Variants in FMN1 observed in about 807,000 individuals in gnomAD.
FMN1 encodes formin-1.
In FMN1, 110 loss-of-function variants were observed where a neutral mutation model predicts 132.4. That is an observed-to-expected ratio of 0.83 (90% CI 0.71 to 0.97). The LOEUF (loss-of-function observed/expected upper bound fraction) is 0.97. Ranked by LOEUF, FMN1 falls within the 50% of genes least tolerant of loss-of-function variation. FMN1 has a pLI of 0.00. For synonymous variants in FMN1, 722 were observed against 651.7 expected, an observed-to-expected ratio of 1.11 and a Z score of -1.64; for missense variants, 1,792 against 1,705.3, an observed-to-expected ratio of 1.05 and a Z score of -0.90.
Position 33,101,815 on chromosome 15 carries a change from AG to A in FMN1, c.1868-12842del, listed in dbSNP as rs534142304. ...TAGAACCCAAATTCTTTGGTTGGAT[AG>A]GGAGACCATTTATGCTTGGCTTTCA... On this transcript the variant is annotated intron_variant, in intron 4 of 20. Transcript: ENST00000616417. 3.8e-3 allele frequency among the ~76,000 whole-genome samples: 576 copies of A among 152,274 alleles called. 2 individuals are homozygous for A. Among genetic ancestry groups the A allele is most frequent in the Non-Finnish European group, 5.8e-3 (396 of 68,006 alleles).
At chr15:33,099,654 A>G (rs1307012292) in intron 4 of FMN1, among the ~76,000 whole-genome samples, 2 of 152,250 alleles carry the variant, frequency 1.3e-5, no homozygotes, top group Non-Finnish European at 2.9e-5. Flanking sequence ...CAATAAATGC[A>G]TATTAGATTT....
chr15:32,916,161 T>C (rs2060678861), intron 10 of FMN1, among the ~76,000 whole-genome samples: 1 of 152,198 alleles, frequency 6.6e-6, no homozygotes, highest in African/African-American at 2.4e-5. Flanking sequence ...ATAAAAACTA[T>C]GTGCCTGCTT....
chr15:33,038,358 G>A (rs2036278348), intron 6 of FMN1, among the ~76,000 whole-genome samples: 2 of 152,212 alleles, frequency 1.3e-5, no homozygotes, highest in African/African-American at 4.8e-5. Flanking sequence ...CTAATTTGGA[G>A]TTAACATTCA....
intron 19 of FMN1, among the ~76,000 whole-genome samples, chr15:32,787,858 A>AT (rs372120927): frequency 6.6e-6 from 1 of 152,142 alleles, no homozygotes; most frequent in Non-Finnish European, 1.5e-5. Context: ...AAAAAAAAAA[A>AT]GTTATTCCAT....
At chr15:32,806,041 C>G (rs76886283) in intron 17 of FMN1, among the ~76,000 whole-genome samples, 10,882 of 152,178 alleles carry the variant, frequency 0.072, 959 homozygotes, top group East Asian at 0.46. Context: ...GAAAATACCA[C>G]TCTCACACTT....
intron 6 of FMN1, among the ~76,000 whole-genome samples, chr15:33,062,258 A>T (rs2037518580): frequency 1.3e-5 from 2 of 152,220 alleles, no homozygotes; most frequent in South Asian, 4.1e-4. Flanking sequence ...ACAAAGACTT[A>T]CAGTAGTTAT....
At chr15:32,954,815 G>A (rs1262299736) in intron 9 of FMN1, among the ~76,000 whole-genome samples, 2 of 152,274 alleles carry the variant, frequency 1.3e-5, no homozygotes, top group East Asian at 3.9e-4. Context: ...AGACTAGCCT[G>A]GCCAACATGG....
At chr15:32,925,863 C>G (rs371178851) in intron 10 of FMN1, among the ~76,000 whole-genome samples, 2 of 152,206 alleles carry the variant, frequency 1.3e-5, no homozygotes, top group African/African-American at 4.8e-5. Flanking sequence ...GAGTTTGAGA[C>G]CAGCCTGGGC....
At chr15:33,041,128 C>A (rs1418334232) in intron 6 of FMN1, among the ~76,000 whole-genome samples, 7 of 120,992 alleles carry the variant, frequency 5.8e-5, no homozygotes, top group African/African-American at 2.2e-4. Flanking sequence ...AAATATAAAT[C>A]ACTAAACAGA....
chr15:33,062,600 C>G (rs1046361372), intron 6 of FMN1: 1 of 151,906 alleles, frequency 6.6e-6, no homozygotes, highest in Non-Finnish European at 1.5e-5. Flanking sequence ...CCAGCCTGGG[C>G]GACAGAGTGA....
chr15:33,081,187 C>T (rs1020289124), intron 5 of FMN1, among the ~76,000 whole-genome samples: 6 of 152,192 alleles, frequency 3.9e-5, no homozygotes, highest in Non-Finnish European at 7.3e-5. Flanking sequence ...GTTTTCTCCA[C>T]GGCTAGCTTT....
At chr15:33,128,531 A>G (rs1447413821) in intron 4 of FMN1, among the ~76,000 whole-genome samples, 3 of 152,230 alleles carry the variant, frequency 2.0e-5, no homozygotes, top group Non-Finnish European at 4.4e-5. Flanking sequence ...ACAGCGTGAT[A>G]TGTTAAGTAA....
In FMN1 at chr15:33,153,492, G is replaced by A. The variant is rs1964535222; in HGVS notation, c.1423C>T (p.Pro475Ser). The A allele has an allele frequency of 2.0e-6, 3 of 1,536,556 alleles. No homozygotes were observed. Among genetic ancestry groups the A allele is most frequent in the Non-Finnish European group, 2.6e-6 (3 of 1,146,994 alleles). ...GGHKSLFLDLPHKVGPDSSQP... is the reference protein window; with the variant it reads ...GGHKSLFLDLSHKVGPDSSQP... ...GAGGAGTCAGGACCTACTTTGTGGG[G>A]CAGATCCAGAAACAAGGACTTGTGG... The change falls in exon 4 of 21, where the codon CCC (proline) becomes TCC (serine). Residue 475 changes from proline (P) to serine (S), a missense_variant. Coordinates refer to ENST00000616417, the MANE Select transcript of FMN1 (RefSeq NM_001277313.2).
intron 7 of FMN1, among the ~76,000 whole-genome samples, chr15:32,997,407 G>A (rs2033837178): frequency 6.6e-6 from 1 of 150,964 alleles, no homozygotes; most frequent in South Asian, 2.1e-4. Flanking sequence ...CAGGACGAGA[G>A]AAAAAATTAA....
chr15:32,952,498 C>CA (rs1323927727), intron 9 of FMN1, among the ~76,000 whole-genome samples: 1 of 152,220 alleles, frequency 6.6e-6, no homozygotes, highest in Admixed American at 6.5e-5. Flanking sequence ...AAGCAAACCA[C>CA]ACCCAAGGTG....
At chr15:33,033,498 TCTTA>T (rs1396804849) in intron 6 of FMN1, among the ~76,000 whole-genome samples, 1 of 152,188 alleles carries the variant, frequency 6.6e-6, no homozygotes, top group Non-Finnish European at 1.5e-5. Flanking sequence ...CTCTTATCCC[TCTTA>T]CTTTCTTGAA....
intron 17 of FMN1, among the ~76,000 whole-genome samples, chr15:32,825,885 G>A (rs990357244): frequency 9.9e-5 from 15 of 152,206 alleles, no homozygotes; most frequent in Non-Finnish European, 1.8e-4. Flanking sequence ...CATAAAGAAT[G>A]AATGGTTAAG....
chr15:33,082,097 G>GTGTC (rs2038500786), intron 5 of FMN1, among the ~76,000 whole-genome samples: 1 of 89,394 alleles, frequency 1.1e-5, no homozygotes, highest in Non-Finnish European at 2.2e-5. Flanking sequence ...AAAACAATGT[G>GTGTC]TGTGTGTGTG....
At chr15:33,057,655 T>C (rs1366511456) in intron 6 of FMN1, among the ~76,000 whole-genome samples, 2 of 152,166 alleles carry the variant, frequency 1.3e-5, no homozygotes, top group East Asian at 3.8e-4. Context: ...CTTAATTATT[T>C]CTTCAGGACT....
Sources: allele counts gnomAD v4.1 joint callset (sites outside exome capture counted in the v4.1 genomes callset), GRCh38; gene constraint gnomAD v4.1.1; transcripts MANE v1.5; gene names NCBI Gene and HGNC (gene_info 2026-07-23, HGNC 2026-07-21).